ANO1: variants seen among roughly 807,000 people sequenced by gnomAD.
The protein encoded by ANO1 is anoctamin-1.
ANO1 carries 59 observed loss-of-function variants against 124.0 expected under a neutral mutation model. The observed-to-expected ratio is 0.48, with a 90% CI of 0.39 to 0.59. The LOEUF is 0.59. Ranked by LOEUF, ANO1 falls within the 20% of genes least tolerant of loss-of-function variation. The pLI is 0.00. For synonymous variants in ANO1, 529 were observed against 532.0 expected, an observed-to-expected ratio of 0.99 and a Z score of 0.08; for missense variants, 1,059 against 1,328.0, an observed-to-expected ratio of 0.80 and a Z score of 3.15.
intron 11 of ANO1, among the ~76,000 whole-genome samples, chr11:70,147,566 G>A (rs1344870238): frequency 6.6e-6 from 1 of 152,220 alleles, no homozygotes; most frequent in Non-Finnish European, 1.5e-5. Context: ...GCGTTCCCCA[G>A]GCTCCTGGCT....
chr11:70,126,495 A>G (rs2046515830), intron 10 of ANO1, among the ~76,000 whole-genome samples: 1 of 152,250 alleles, frequency 6.6e-6, no homozygotes, highest in Non-Finnish European at 1.5e-5. Flanking sequence ...GTTCTTTTTC[A>G]CTGTTGGTCA....
At chr11:69,970,166 AAGG>A in the ANO1 span, among the ~76,000 whole-genome samples, 1 of 152,138 alleles carries the variant, frequency 6.6e-6, no homozygotes, top group African/African-American at 2.4e-5. Flanking sequence ...GGGGAGGGCA[AAGG>A]AGGGAAGGCT....
In ANO1 at chr11:70,088,079, G is replaced by A. The variant is rs199813787; in HGVS notation, c.436G>A (p.Glu146Lys). 3.9e-4 allele frequency: 453 copies of A among 1,175,646 alleles called. 1 individual carries two copies. Among genetic ancestry groups the A allele is most frequent in the Non-Finnish European group, 4.3e-4 (404 of 932,848 alleles). The allele number at this position is 1,175,646 out of a possible 1,614,324, so 72.8% of individuals were successfully genotyped here. ...GGCGGGCCTGGAGCTGGAGCGGGAC[G>A]AGGACGTAACTATCTCACTGCGCGC... ...LEAGLELERD[E>K]DTKIHGVGFV... The change falls in exon 2 of 26, where the codon GAG (glutamate) becomes AAG (lysine). Residue 146 changes from glutamate to lysine, a missense_variant. Transcript: ENST00000355303.
At chr11:70,068,675 A>G (rs1170297083) in intron 1 of ANO1, among the ~76,000 whole-genome samples, 1 of 152,094 alleles carries the variant, frequency 6.6e-6, no homozygotes, top group Non-Finnish European at 1.5e-5. Flanking sequence ...TGGGAGGAGG[A>G]GGCCATTAGC....
intron 19 of ANO1, 133 bp downstream of exon 19, chr11:70,163,473 G>A (rs1228214018): frequency 2.6e-6 from 3 of 1,161,842 alleles, no homozygotes; most frequent in Admixed American, 2.0e-5. Flanking sequence ...CTTCTTGCTG[G>A]AAACTTTTCT....
At chr11:69,976,405 G>A in the ANO1 span, among the ~76,000 whole-genome samples, 1 of 151,884 alleles carries the variant, frequency 6.6e-6, no homozygotes. Context: ...TACTCGGGAG[G>A]CTGAGGCAGG....
At position 69,993,851 on chromosome 11, in the gene ANO1, G is replaced by A. The variant is rs544054046; in HGVS notation, c.58+7685G>A. ...CTGCCCTCTCCATCTGGCCTCACTG[G>A]CCTTCCTATAGCCCTTCATCCCCTC... On this transcript the variant is annotated intron_variant, in intron 1 of 27. Coordinates refer to the ANO1 transcript ENST00000531349. Among the ~76,000 whole-genome samples the A allele has an allele frequency of 2.6e-5, 4 of 152,226 alleles. No individual in the cohort carries two copies. The South Asian group carries it at 6.2e-4, about 24-fold the overall frequency.
chr11:70,038,767 G>A (rs10899524), intron 1 of ANO1, among the ~76,000 whole-genome samples: 2,869 of 152,250 alleles, frequency 0.019, 112 homozygotes, highest in East Asian at 0.16. Context: ...AGAAGACCTC[G>A]TGCATGAGCC....
intron 22 of ANO1, among the ~76,000 whole-genome samples, chr11:70,174,327 C>A (rs1330387109): frequency 3.3e-5 from 5 of 150,598 alleles, no homozygotes; most frequent in Non-Finnish European, 5.9e-5. Flanking sequence ...ACCCGGGAGG[C>A]GGAGGTTGCA....
At chr11:70,165,615 C>A (rs777511236) in intron 20 of ANO1, 45 bp downstream of exon 20, 1 of 1,519,496 alleles carries the variant, frequency 6.6e-7, no homozygotes, top group South Asian at 1.2e-5. Context: ...CGGGGCCAGG[C>A]GGAGGGGTGT....
intron 1 of ANO1, among the ~76,000 whole-genome samples, chr11:69,992,831 C>T (rs1237463297): frequency 6.6e-6 from 1 of 152,214 alleles, no homozygotes; most frequent in Non-Finnish European, 1.5e-5. Flanking sequence ...GCACTGGGCA[C>T]ACATGCCAGG....
chr11:70,037,034 G>A (rs782581544), intron 1 of ANO1, among the ~76,000 whole-genome samples: 2 of 152,182 alleles, frequency 1.3e-5, no homozygotes, highest in Admixed American at 6.5e-5. Flanking sequence ...TGTGTGCAAC[G>A]AACAAATGAA....
chr11:70,161,587 C>G, intron 17 of ANO1, 35 bp from the exon 18 acceptor site: 1 of 1,605,292 alleles, frequency 6.2e-7, no homozygotes, highest in Non-Finnish European at 8.5e-7. Flanking sequence ...GCCATCCCAG[C>G]CACAGCCTCA....
At chr11:70,100,991 C>T (rs947972740) in intron 2 of ANO1, among the ~76,000 whole-genome samples, 3 of 152,128 alleles carry the variant, frequency 2.0e-5, no homozygotes, top group Non-Finnish European at 4.4e-5. Flanking sequence ...TGGACGCAGC[C>T]GGGGGCCTCA....
intron 1 of ANO1, among the ~76,000 whole-genome samples, chr11:70,016,211 A>G (rs1856701600): frequency 6.6e-6 from 1 of 151,900 alleles, no homozygotes; most frequent in Non-Finnish European, 1.5e-5. Context: ...TATTTTTAGT[A>G]GAGACAGGGT....
At chr11:70,152,401 A>G in intron 12 of ANO1, 49 bp from the exon 13 acceptor site, 1 of 1,586,200 alleles carries the variant, frequency 6.3e-7, no homozygotes, top group Non-Finnish European at 8.6e-7. Flanking sequence ...TAACAACCTA[A>G]GTAATGACAT....
At chr11:69,970,446 C>T in the ANO1 span, among the ~76,000 whole-genome samples, 1 of 152,170 alleles carries the variant, frequency 6.6e-6, no homozygotes, top group Non-Finnish European at 1.5e-5. Flanking sequence ...CTGGGAATGT[C>T]ATGTTAGGAA....
intron 1 of ANO1, among the ~76,000 whole-genome samples, chr11:69,994,745 CAA>C (rs2120324973): frequency 6.6e-6 from 1 of 152,228 alleles, no homozygotes; most frequent in South Asian, 2.1e-4. Flanking sequence ...GTTACATTTC[CAA>C]AGTCAGCCAA....
At chr11:69,986,447 C>T (rs574738928) in intron 1 of ANO1, among the ~76,000 whole-genome samples, 3 of 152,068 alleles carry the variant, frequency 2.0e-5, no homozygotes, top group Non-Finnish European at 4.4e-5. Flanking sequence ...GGGGCGCCGC[C>T]GGGCAGGGGC....
Sources: gnomAD v4.1 joint callset for allele counts (sites outside exome capture counted in the v4.1 genomes callset) on GRCh38, gnomAD v4.1.1 for gene constraint, MANE v1.5 for transcripts, NCBI Gene and HGNC (gene_info 2026-07-23, HGNC 2026-07-21) for gene names.